Variants in FHIT observed in about 807,000 individuals in gnomAD.
The protein encoded by FHIT is bis(5'-adenosyl)-triphosphatase.
Under a neutral mutation model 17.9 loss-of-function variants are expected in FHIT, and 19 were observed. That is an observed-to-expected ratio of 1.06 (90% CI 0.74 to 1.56). The LOEUF (loss-of-function observed/expected upper bound fraction) is 1.56, where lower values mean the gene tolerates loss of function less well. FHIT is among the 40% of genes most tolerant of loss of function. FHIT has a pLI of 0.00. For missense variants in FHIT, 248 were observed against 189.2 expected (o/e 1.31, Z -1.82); for synonymous variants, 81 against 69.7 (o/e 1.16, Z -0.81).
At chr3:60,442,387 A>C (rs904039199) in intron 5 of FHIT, among the ~76,000 whole-genome samples, 2 of 152,108 alleles carry the variant, frequency 1.3e-5, no homozygotes, top group African/African-American at 4.8e-5. Context: ...GTTTTCTTCT[A>C]GGGTTTTTAT....
intron 5 of FHIT, among the ~76,000 whole-genome samples, chr3:60,014,752 C>A (rs1700276802): frequency 6.6e-6 from 1 of 152,038 alleles, no homozygotes; most frequent in Admixed American, 6.6e-5. Flanking sequence ...GACAAGAGTT[C>A]CTCAGACTAA....
chr3:60,059,251 A>C (rs1469348378), intron 5 of FHIT, among the ~76,000 whole-genome samples: 4 of 152,220 alleles, frequency 2.6e-5, no homozygotes, highest in Admixed American at 2.6e-4. Context: ...GAGCACAAGC[A>C]TGCGCATTAA....
intron 8 of FHIT, among the ~76,000 whole-genome samples, chr3:59,801,153 A>G (rs1354433046): frequency 6.6e-6 from 1 of 152,180 alleles, no homozygotes; most frequent in African/African-American, 2.4e-5. Flanking sequence ...ACTGTATGCC[A>G]GGCCTGTGCT....
At chr3:59,759,739 A>T (rs545532555) in intron 8 of FHIT, among the ~76,000 whole-genome samples, 1 of 151,890 alleles carries the variant, frequency 6.6e-6, no homozygotes, top group East Asian at 1.9e-4. Context: ...CCTGCCAGAC[A>T]TGGAGCTTCC....
chr3:60,744,489 T>A (rs1465497709), intron 4 of FHIT, among the ~76,000 whole-genome samples: 1 of 152,150 alleles, frequency 6.6e-6, no homozygotes, highest in African/African-American at 2.4e-5. Flanking sequence ...CCATGACAAG[T>A]CCCTCAAAAA....
At chr3:60,561,361 T>G (rs766353681) in intron 4 of FHIT, among the ~76,000 whole-genome samples, 14 of 152,138 alleles carry the variant, frequency 9.2e-5, no homozygotes, top group Non-Finnish European at 1.8e-4. Context: ...TCAGGTCATT[T>G]CTTCTCTCAT....
chr3:60,543,649 G>A (rs1015731640), intron 4 of FHIT, among the ~76,000 whole-genome samples: 1 of 152,060 alleles, frequency 6.6e-6, no homozygotes, highest in Non-Finnish European at 1.5e-5. Flanking sequence ...TCCCAATACA[G>A]CAGAAAGCTA....
intron 4 of FHIT, among the ~76,000 whole-genome samples, chr3:60,692,411 G>A (rs782223247): frequency 3.9e-5 from 6 of 152,164 alleles, no homozygotes; most frequent in Non-Finnish European, 7.3e-5. Flanking sequence ...CCTTAAAACA[G>A]GGAGATTATC....
chr3:60,995,306 C>T (rs2030584962), intron 3 of FHIT, among the ~76,000 whole-genome samples: 2 of 152,024 alleles, frequency 1.3e-5, no homozygotes, highest in South Asian at 4.2e-4. Context: ...GGGGACAGAG[C>T]GAGACTCTGT....
chr3:60,376,246 A>G (rs73090052), intron 5 of FHIT, among the ~76,000 whole-genome samples: 13,262 of 152,252 alleles, frequency 0.087, 844 homozygotes, highest in East Asian at 0.26. Flanking sequence ...CATGCTTGAC[A>G]CATAGTGTCT....
chr3:59,913,046 T>C (rs185952309), intron 8 of FHIT, among the ~76,000 whole-genome samples: 1 of 152,306 alleles, frequency 6.6e-6, no homozygotes, highest in East Asian at 1.9e-4. Flanking sequence ...AAAGGAGTTA[T>C]AATAAAGTAC....
intron 8 of FHIT, among the ~76,000 whole-genome samples, chr3:59,790,813 C>T (rs1321613382): frequency 6.6e-6 from 1 of 152,148 alleles, no homozygotes; most frequent in Non-Finnish European, 1.5e-5. Flanking sequence ...ACAGTCCCAG[C>T]ACTAACATAG....
At chr3:60,061,892 G>A (rs1287311766) in intron 5 of FHIT, among the ~76,000 whole-genome samples, 18 of 152,174 alleles carry the variant, frequency 1.2e-4, no homozygotes, top group Non-Finnish European at 2.6e-4. Flanking sequence ...GAATTCACAT[G>A]TAGGAGAGAA....
chr3:60,515,981 C>T (rs929491536), intron 5 of FHIT, among the ~76,000 whole-genome samples: 10 of 152,104 alleles, frequency 6.6e-5, no homozygotes, highest in African/African-American at 2.4e-4. Flanking sequence ...GGAAATAAGG[C>T]TCACATTTTT....
At chr3:59,891,267 C>T (rs531320998) in intron 8 of FHIT, among the ~76,000 whole-genome samples, 2 of 152,328 alleles carry the variant, frequency 1.3e-5, no homozygotes, top group African/African-American at 4.8e-5. Context: ...GGCGTGGCCT[C>T]TTCCCTCAAG....
chr3:60,164,133 T>G (rs572245047), intron 5 of FHIT, among the ~76,000 whole-genome samples: 64 of 152,298 alleles, frequency 4.2e-4, no homozygotes, highest in African/African-American at 1.4e-3. Context: ...AGTGGAAGAC[T>G]GCTGAAGCTT....
At chr3:60,406,759 T>C (rs1701875783) in intron 5 of FHIT, among the ~76,000 whole-genome samples, 2 of 152,124 alleles carry the variant, frequency 1.3e-5, no homozygotes, top group African/African-American at 2.4e-5. Flanking sequence ...TTTTTGGTAA[T>C]AGTATCCCAA....
chr3:60,465,486 C>A (rs1192898983), intron 5 of FHIT, among the ~76,000 whole-genome samples: 1 of 151,912 alleles, frequency 6.6e-6, no homozygotes, highest in Admixed American at 6.6e-5. Context: ...CTGGAGAGTT[C>A]CCCCAGTGTC....
rs1456544751 is a variant in FHIT at position 60,281,169 on chromosome 3, T to C, written c.103+255691A>G. On this transcript the variant is annotated intron_variant, in intron 5 of 9. Coordinates refer to ENST00000492590, the MANE Select transcript of FHIT (RefSeq NM_002012.4). The stretch of plus-strand genomic sequence containing the variant: ...TATATGTACAGGATCTGTAAGGAAA[T>C]ATAAAAAATTCTGATGAAAGAAATA... Among the ~76,000 whole-genome samples, 3 of 151,764 alleles carry C rather than the reference T, an allele frequency of 2.0e-5. No individual in the cohort carries two copies. The East Asian group carries it at 5.8e-4, about 29-fold the overall frequency.
Sources: gnomAD v4.1 joint callset for allele counts (sites outside exome capture counted in the v4.1 genomes callset) on GRCh38, gnomAD v4.1.1 for gene constraint, MANE v1.5 for transcripts, NCBI Gene and HGNC (gene_info 2026-07-23, HGNC 2026-07-21) for gene names.